EIF3I: variants seen among roughly 807,000 people sequenced by gnomAD.
The protein encoded by EIF3I is TGF-beta receptor-interacting protein 1.
A neutral mutation model predicts 43.3 loss-of-function variants in EIF3I; 20 were observed. The ratio of observed to expected loss-of-function variants is 0.46; its 90% confidence interval spans 0.32 to 0.67. EIF3I has a LOEUF of 0.67. EIF3I is among the 30% of genes least tolerant of loss of function. EIF3I has a pLI of 0.03. For synonymous variants in EIF3I, 167 were observed against 151.7 expected (o/e 1.10, Z -0.74); for missense variants, 279 against 421.4 (o/e 0.66, Z 2.96).
chr1:32,225,613 C>T (rs577786788), intron 4 of EIF3I, among the ~76,000 whole-genome samples: 14 of 151,736 alleles, frequency 9.2e-5, no homozygotes, highest in Admixed American at 5.3e-4. Context: ...TGGTGGTGGG[C>T]ACCTGTAATC....
At chr1:32,230,120 C>G (rs926266283) in intron 9 of EIF3I, among the ~76,000 whole-genome samples, 4 of 151,370 alleles carry the variant, frequency 2.6e-5, no homozygotes, top group African/African-American at 9.7e-5. Context: ...CTCCTGGGCT[C>G]AAGCAATCCT....
downstream of EIF3I, among the ~76,000 whole-genome samples, chr1:32,235,643 A>T (rs1403120967): frequency 6.6e-6 from 1 of 152,174 alleles, no homozygotes; most frequent in Non-Finnish European, 1.5e-5. Flanking sequence ...AGCTTTGAGG[A>T]TTCCTCAGTC....
At chr1:32,232,343 T>G (rs1639249678), downstream of EIF3I, among the ~76,000 whole-genome samples, 1 of 152,220 alleles carries the variant, frequency 6.6e-6, no homozygotes, top group African/African-American at 2.4e-5. Flanking sequence ...GATCTTGTAC[T>G]AGGCACTAGA....
intron 4 of EIF3I, among the ~76,000 whole-genome samples, chr1:32,225,512 G>T (rs560765577): frequency 6.6e-6 from 1 of 151,916 alleles, no homozygotes; most frequent in Non-Finnish European, 1.5e-5. Context: ...GGAGGTTGAG[G>T]CAGGTGGATC....
At chr1:32,229,322 G>A (rs1279741757) in intron 9 of EIF3I, 114 bp downstream of exon 9, 20 of 1,110,998 alleles carry the variant, frequency 1.8e-5, no homozygotes, top group East Asian at 1.3e-4. Context: ...GCGCAGTGGC[G>A]TGATCTCTGC....
At chr1:32,227,275 TAAAAAAA>T (rs1005926284) in intron 6 of EIF3I, among the ~76,000 whole-genome samples, 2 of 55,426 alleles carry the variant, frequency 3.6e-5, no homozygotes, top group Non-Finnish European at 7.6e-5. Context: ...ACCCTGTCTC[TAAAAAAA>T]AAAAAAAAAA....
intron 2 of EIF3I, among the ~76,000 whole-genome samples, chr1:32,222,954 ATGG>A (rs1369433479): frequency 1.3e-5 from 2 of 152,152 alleles, no homozygotes; most frequent in Non-Finnish European, 1.5e-5. Flanking sequence ...TTAGCCTGAC[ATGG>A]TGGCCTCGCG....
intron 4 of EIF3I, among the ~76,000 whole-genome samples, chr1:32,224,755 C>CT (rs1639116591): frequency 6.6e-6 from 1 of 151,308 alleles, no homozygotes; most frequent in Non-Finnish European, 1.5e-5. Flanking sequence ...ACTGCAACCT[C>CT]TGTCTCCCGG....
At chr1:32,230,728 G>A (rs1252793332) in intron 10 of EIF3I, among the ~76,000 whole-genome samples, 199 bp from the exon 10 acceptor site, 4 of 152,112 alleles carry the variant, frequency 2.6e-5, no homozygotes, top group African/African-American at 9.7e-5. Context: ...GGAGGCTGAG[G>A]CAGGAGAATT....
At chr1:32,231,075 AGAGTAAGCACCT>A (rs1639227613) in intron 11 of EIF3I, 28 bp from the exon 11 acceptor site, 1 of 1,613,974 alleles carries the variant, frequency 6.2e-7, no homozygotes, top group Non-Finnish European at 8.5e-7. Context: ...TGCCTTTCCC[AGAGTAAGCACCT>A]GACTGGTGCC....
intron 4 of EIF3I, 65 bp from the exon 5 acceptor site, chr1:32,226,106 A>G: frequency 6.3e-7 from 1 of 1,575,548 alleles, no homozygotes; most frequent in Admixed American, 1.8e-5. Context: ...TGATGGTAGC[A>G]TTCTCTAGAA....
chr1:32,224,203 G>A (rs554857406), intron 3 of EIF3I, 82 bp downstream of exon 3: 1 of 1,413,886 alleles, frequency 7.1e-7, no homozygotes, highest in Non-Finnish European at 1.0e-6. Context: ...GGAGTTGGGG[G>A]TGCTGTTGAG....
downstream of EIF3I, chr1:32,235,200 GAC>G (rs1404645560): frequency 6.6e-6 from 1 of 152,388 alleles, no homozygotes; most frequent in Non-Finnish European, 1.5e-5. Context: ...CAATGAGGGA[GAC>G]ACAGAATCCT....
intron 4 of EIF3I, among the ~76,000 whole-genome samples, chr1:32,225,390 G>A (rs1378063068): frequency 6.6e-6 from 1 of 152,230 alleles, no homozygotes; most frequent in Non-Finnish European, 1.5e-5. Flanking sequence ...ATATATTGCA[G>A]TCTACGTATG....
At chr1:32,229,604 G>A (rs1639203418) in intron 9 of EIF3I, among the ~76,000 whole-genome samples, 1 of 136,010 alleles carries the variant, frequency 7.4e-6, no homozygotes, top group Admixed American at 8.1e-5. Flanking sequence ...AGGCTGGAGT[G>A]CAATGGCGCG....
intron 3 of EIF3I, 118 bp downstream of exon 3, chr1:32,224,239 C>T: frequency 1.8e-6 from 2 of 1,131,858 alleles, no homozygotes; most frequent in South Asian, 2.5e-5. Flanking sequence ...ACCTCCTACT[C>T]CCTGGTCTCT....
intron 3 of EIF3I, 129 bp downstream of exon 3, chr1:32,224,250 T>A: frequency 8.9e-7 from 1 of 1,126,280 alleles, no homozygotes; most frequent in East Asian, 2.4e-5. Flanking sequence ...CCTGGTCTCT[T>A]CACTGACTGA....
In EIF3I at chr1:32,226,388, T is replaced by A. The variant is rs1161024590; in HGVS notation, c.401-15T>A. 6.2e-7 allele frequency: 1 copy of A among 1,610,606 alleles called. No individual in the cohort carries two copies. Among genetic ancestry groups the A allele is most frequent in the Admixed American group, 1.7e-5 (1 of 59,644 alleles). ...GTTCTAGAGCCCAGGGCCTAACATC[T>A]ACTGCCCCACACAGACAACAATGAG... On this transcript the variant is annotated splice_polypyrimidine_tract_variant and intron_variant, in intron 5 of 11. Transcript: ENST00000676679.
At chr1:32,228,702 T>A (rs745444137) in intron 7 of EIF3I, 25 bp from the exon 8 acceptor site, 3 of 1,598,338 alleles carry the variant, frequency 1.9e-6, no homozygotes, top group Non-Finnish European at 2.6e-6. Flanking sequence ...TCTTTACAGA[T>A]TTCCCCCCTG....
Sources: allele counts gnomAD v4.1 joint callset (sites outside exome capture counted in the v4.1 genomes callset), GRCh38; gene constraint gnomAD v4.1.1; transcripts MANE v1.5; gene names NCBI Gene and HGNC (gene_info 2026-07-23, HGNC 2026-07-21).